Variants in KLF17 observed in about 807,000 individuals in gnomAD.
KLF17 encodes KLF transcription factor 17.
A neutral mutation model predicts 34.2 loss-of-function variants in KLF17; 31 were observed. The ratio of observed to expected loss-of-function variants is 0.91; its 90% confidence interval spans 0.68 to 1.22. KLF17 has a LOEUF of 1.22. Ranked by LOEUF, KLF17 falls within the 50% of genes most tolerant of loss-of-function variation. The probability of loss-of-function intolerance (pLI) is 0.00; values close to 1 mark genes in which losing one functional copy is unlikely to be tolerated. For missense variants in KLF17, 478 were observed against 505.2 expected, an observed-to-expected ratio of 0.95 and a Z score of 0.52; for synonymous variants, 179 against 186.7, an observed-to-expected ratio of 0.96 and a Z score of 0.34.
intron 3 of KLF17, among the ~76,000 whole-genome samples, chr1:44,132,744 G>T (rs1197604303): frequency 6.6e-6 from 1 of 152,122 alleles, no homozygotes; most frequent in Non-Finnish European, 1.5e-5. Context: ...ACCTTCCTTA[G>T]GTCCCTGGAC....
At chr1:44,101,179 T>C in the KLF17 span, among the ~76,000 whole-genome samples, 1 of 152,190 alleles carries the variant, frequency 6.6e-6, no homozygotes, top group East Asian at 1.9e-4. Context: ...ACATTTGCTC[T>C]ATCTACCTAC....
the KLF17 span, among the ~76,000 whole-genome samples, chr1:44,074,187 C>T: frequency 6.6e-6 from 1 of 152,104 alleles, no homozygotes; most frequent in South Asian, 2.1e-4. Context: ...CTGCTGTCAT[C>T]CTCATCATGC....
Position 44,134,343 on chromosome 1 carries a change from C to T in KLF17, c.*1106C>T, listed in dbSNP as rs1311848135. Reference sequence around the variant, plus strand: ...GTTAGAGATTCGAGACCAGCCGGGCCAACATGGTGAAACCCCATCTCTACA... The same window carrying T: ...GTTAGAGATTCGAGACCAGCCGGGCTAACATGGTGAAACCCCATCTCTACA... On this transcript the variant is annotated 3_prime_UTR_variant, in exon 4 of 4. Coordinates refer to ENST00000372299, the MANE Select transcript of KLF17 (RefSeq NM_173484.4). 6.6e-6 allele frequency: 1 copy of T among 152,170 alleles called. No homozygotes were observed. The highest frequency in any genetic ancestry group is 2.4e-5 in the African/African-American group (1 of 41,424). 9.4% of individuals were successfully genotyped at this position (152,170 alleles called of 1,614,324 possible). A position where few individuals can be genotyped will look rare whatever the true frequency, so the allele number is the denominator to read the frequency against.
the KLF17 span, among the ~76,000 whole-genome samples, chr1:44,069,285 C>T: frequency 6.6e-6 from 1 of 152,134 alleles, no homozygotes; most frequent in Non-Finnish European, 1.5e-5. The surrounding 1 kb of genome is among the most constrained non-coding windows in gnomAD (Gnocchi z 4.7). Flanking sequence ...TTCCTTCTCC[C>T]CTTATGTGTT....
the KLF17 span, among the ~76,000 whole-genome samples, chr1:44,072,393 T>TA: frequency 6.6e-6 from 1 of 152,100 alleles, no homozygotes; most frequent in Non-Finnish European, 1.5e-5. Flanking sequence ...GGGTGGTATT[T>TA]AAAACCACAA....
the KLF17 span, chr1:44,103,339 C>T: frequency 1.6e-5 from 5 of 307,148 alleles, no homozygotes; most frequent in Non-Finnish European, 3.0e-5. Flanking sequence ...ACTCGGACAC[C>T]GGACTCGGAC....
chr1:44,095,148 G>A, the KLF17 span, among the ~76,000 whole-genome samples: 4 of 150,810 alleles, frequency 2.7e-5, no homozygotes, highest in East Asian at 3.9e-4. Flanking sequence ...TGATCCGCCC[G>A]CCTCGGCCTC....
intron 1 of KLF17, among the ~76,000 whole-genome samples, chr1:44,127,063 GTTTTT>G (rs71587040): frequency 7.9e-6 from 1 of 126,914 alleles, no homozygotes; most frequent in Non-Finnish European, 1.7e-5. Flanking sequence ...TGCCTGGCTT[GTTTTT>G]TTTTTTTTTT....
At chr1:44,116,774 G>A (rs2154311183), upstream of KLF17, among the ~76,000 whole-genome samples, 1 of 152,278 alleles carries the variant, frequency 6.6e-6, no homozygotes, top group East Asian at 1.9e-4. Context: ...CTGTCCTGTT[G>A]TCAAACTATC....
At chr1:44,103,490 A>G in the KLF17 span, 474,301 of 1,012,218 alleles carry the variant, frequency 0.47, 113,804 homozygotes, top group Admixed American at 0.51. Flanking sequence ...TGAGGCCCCC[A>G]TAGGCCGAGC....
the KLF17 span, among the ~76,000 whole-genome samples, chr1:44,094,907 CT>C: frequency 7.0e-4 from 99 of 140,932 alleles, no homozygotes; most frequent in Middle Eastern, 3.6e-3. Flanking sequence ...TTATTTATAT[CT>C]TTTTTTTTTT....
chr1:44,065,099 C>A, the KLF17 span, among the ~76,000 whole-genome samples: 1 of 151,828 alleles, frequency 6.6e-6, no homozygotes, highest in South Asian at 2.1e-4. Flanking sequence ...GCAGTCTGGC[C>A]AACATGGTGA....
upstream of KLF17, chr1:44,117,465 A>ATTTTATTTTATTTAT (rs869175404): frequency 6.3e-5 from 4 of 63,422 alleles, no homozygotes; most frequent in South Asian, 5.4e-4. Flanking sequence ...ATTTTATTTT[A>ATTTTATTTTATTTAT]TTTATTTTAT....
chr1:44,133,160 C>T (rs1539150), intron 3 of KLF17, 78 bp from the exon 4 acceptor site: 106,455 of 152,132 alleles, frequency 0.7, 38,074 homozygotes, highest in African/African-American at 0.86. Context: ...CAGAAAGGCT[C>T]TCTGGAGGAG....
At chr1:44,075,389 G>A in the KLF17 span, among the ~76,000 whole-genome samples, 1 of 152,100 alleles carries the variant, frequency 6.6e-6, no homozygotes, top group Non-Finnish European at 1.5e-5. Flanking sequence ...AACGCATGTG[G>A]TTTTGTAAAA....
chr1:44,130,334 T>C, intron 2 of KLF17, 138 bp downstream of exon 2: 1 of 1,425,996 alleles, frequency 7.0e-7, no homozygotes, highest in South Asian at 1.3e-5. Flanking sequence ...CCCCCCGACT[T>C]GCCATACAGG....
At chr1:44,119,080 G>T in intron 1 of KLF17, 92 bp downstream of exon 1, 1 of 903,536 alleles carries the variant, frequency 1.1e-6, no homozygotes, top group Non-Finnish European at 1.6e-6. Context: ...GAGGCGGAGG[G>T]AAGCAGAAAC....
chr1:44,100,040 A>C, the KLF17 span, among the ~76,000 whole-genome samples: 1 of 151,092 alleles, frequency 6.6e-6, no homozygotes, highest in South Asian at 2.1e-4. Flanking sequence ...GTTCGAGACC[A>C]GCCTGGCCAA....
At chr1:44,068,432 C>A in the KLF17 span, among the ~76,000 whole-genome samples, 1 of 152,180 alleles carries the variant, frequency 6.6e-6, no homozygotes, top group East Asian at 1.9e-4. Context: ...GTGGGGTGAG[C>A]AGGAGAGCTC....
Sources: gnomAD v4.1 joint callset for allele counts (sites outside exome capture counted in the v4.1 genomes callset) on GRCh38, gnomAD v4.1.1 for gene constraint, Gnocchi (gnomAD v3.1) non-coding constraint, MANE v1.5 for transcripts, NCBI Gene and HGNC (gene_info 2026-07-23, HGNC 2026-07-21) for gene names.